The following ERBB4 variants were observed in gnomAD, a reference collection of about 807,000 sequenced individuals.
ERBB4 encodes erb-b2 receptor tyrosine kinase 4, also known as receptor tyrosine-protein kinase erbB-4.
In ERBB4, 42 loss-of-function variants were observed where a neutral mutation model predicts 158.0. The ratio of observed to expected loss-of-function variants is 0.27; its 90% CI spans 0.21 to 0.34. The LOEUF is 0.34. Among genes scored for constraint, ERBB4 ranks in the 10% least tolerant of loss-of-function variants. The pLI, the probability that ERBB4 is intolerant of heterozygous loss-of-function variation, is 1.00. For synonymous variants in ERBB4, 583 were observed against 558.7 expected, an observed-to-expected ratio of 1.04 and a Z score of -0.61; for missense variants, 1,333 against 1,624.1, an observed-to-expected ratio of 0.82 and a Z score of 3.08.
chr2:212,192,295 G>C (rs1196796366), intron 1 of ERBB4, among the ~76,000 whole-genome samples: 2 of 118,220 alleles, frequency 1.7e-5, no homozygotes, highest in Non-Finnish European at 3.4e-5. Flanking sequence ...CTAGTTATGT[G>C]AGGTACTATT....
chr2:212,467,385 G>T (rs1178297659), intron 1 of ERBB4, among the ~76,000 whole-genome samples: 1 of 152,182 alleles, frequency 6.6e-6, no homozygotes, highest in Non-Finnish European at 1.5e-5. Flanking sequence ...GCCAGGCCCA[G>T]AGTCCCTATG....
At chr2:212,418,127 C>T (rs1021828312) in intron 1 of ERBB4, among the ~76,000 whole-genome samples, 1 of 151,940 alleles carries the variant, frequency 6.6e-6, no homozygotes, top group Non-Finnish European at 1.5e-5. Context: ...TGAGAAATAA[C>T]TGTATTGTTA....
intron 1 of ERBB4, among the ~76,000 whole-genome samples, chr2:212,391,659 T>A (rs939597806): frequency 9.5e-6 from 1 of 105,324 alleles, no homozygotes; most frequent in African/African-American, 4.0e-5. Context: ...TATATTATAT[T>A]ATGTATTATA....
chr2:212,212,635 G>C (rs1013412472), intron 1 of ERBB4, among the ~76,000 whole-genome samples: 4 of 151,554 alleles, frequency 2.6e-5, no homozygotes, highest in Non-Finnish European at 5.9e-5. Context: ...AAAGAACAAA[G>C]CTGGAGGCGT....
Position 211,852,636 on chromosome 2 carries a change from C to CTTT in ERBB4, c.422-64480_422-64478dup, listed in dbSNP as rs10640429. Among the ~76,000 whole-genome samples, 86 of 138,828 alleles carry CTTT rather than the reference C, an allele frequency of 6.2e-4. 3 individuals are homozygous for CTTT. The highest frequency in any genetic ancestry group is 6.1e-3 in the South Asian group (27 of 4,434). 91.1% of individuals were successfully genotyped at this position (138,828 alleles called of 152,430 possible). A position where few individuals can be genotyped will look rare whatever the true frequency, so the allele number is the denominator to read the frequency against. On this transcript the variant is annotated intron_variant, in intron 3 of 27. Coordinates refer to ENST00000342788, the MANE Select transcript of ERBB4 (RefSeq NM_005235.3). ...TTACTGTACATGGTACAATGGCCAA[C>CTTT]TTTTTTTTTTTTTTTGCCGTTGCCA...
chr2:211,736,268 A>C (rs1041424027), intron 5 of ERBB4, among the ~76,000 whole-genome samples: 2 of 152,208 alleles, frequency 1.3e-5, no homozygotes, highest in African/African-American at 4.8e-5. Context: ...AACAATTTAC[A>C]GTACAAATAA....
rs139303367 is a variant in ERBB4 at position 212,439,464 on chromosome 2, A to T, written c.82+98985T>A. 3.5e-3 allele frequency among the ~76,000 whole-genome samples: 538 copies of T among 152,250 alleles called. 5 individuals carry two copies. The highest frequency in any genetic ancestry group is 0.012 in the African/African-American group (502 of 41,558). ...ATCTAGAAGACATCCATTGGTTATG[A>T]ATTAATGGATTCTAGGATATACCTT... On this transcript the variant is annotated intron_variant, in intron 1 of 27. Transcript: ENST00000342788.
chr2:211,482,093 T>A (rs1442204636), intron 20 of ERBB4, among the ~76,000 whole-genome samples: 1 of 152,096 alleles, frequency 6.6e-6, no homozygotes, highest in African/African-American at 2.4e-5. Flanking sequence ...GCAAAGCAAG[T>A]GGAGTTCACA....
chr2:211,973,251 G>C (rs995352242), intron 2 of ERBB4, among the ~76,000 whole-genome samples: 29 of 151,070 alleles, frequency 1.9e-4, no homozygotes, highest in African/African-American at 7.1e-4. Flanking sequence ...ACCCAGGCTG[G>C]AGTGCAGTGG....
chr2:211,516,237 C>A (rs1377304499), intron 20 of ERBB4, among the ~76,000 whole-genome samples: 1 of 151,656 alleles, frequency 6.6e-6, no homozygotes, highest in African/African-American at 2.4e-5. Flanking sequence ...ATTTTCACCA[C>A]CACACAGCCA....
At chr2:212,222,202 G>T (rs2083311119) in intron 1 of ERBB4, among the ~76,000 whole-genome samples, 1 of 151,400 alleles carries the variant, frequency 6.6e-6, no homozygotes, top group Admixed American at 6.6e-5. Context: ...ACTTTCTGTT[G>T]CTATTAACAT....
intron 1 of ERBB4, among the ~76,000 whole-genome samples, chr2:212,490,683 T>TA (rs1314004504): frequency 1.3e-5 from 2 of 151,814 alleles, no homozygotes; most frequent in African/African-American, 4.8e-5. Context: ...TTGTCAAACA[T>TA]AAAAAGTATC....
intron 20 of ERBB4, among the ~76,000 whole-genome samples, chr2:211,550,535 A>G (rs944953286): frequency 1.4e-5 from 2 of 147,704 alleles, no homozygotes; most frequent in African/African-American, 5.0e-5. Context: ...TTATTTTGGG[A>G]CTCATCAGCC....
chr2:212,041,790 T>C (rs575537159), intron 2 of ERBB4, among the ~76,000 whole-genome samples: 29 of 152,222 alleles, frequency 1.9e-4, no homozygotes, highest in Non-Finnish European at 2.1e-4. Context: ...TTTCACTCTT[T>C]GTTCCCCATC....
At chr2:212,256,882 G>A (rs1202930568) in intron 1 of ERBB4, among the ~76,000 whole-genome samples, 2 of 152,060 alleles carry the variant, frequency 1.3e-5, no homozygotes, top group Non-Finnish European at 2.9e-5. Context: ...TGATGGAAGG[G>A]GACCTGTTAG....
At chr2:211,956,832 T>C (rs2081048442) in intron 2 of ERBB4, among the ~76,000 whole-genome samples, 1 of 151,992 alleles carries the variant, frequency 6.6e-6, no homozygotes, top group Non-Finnish European at 1.5e-5. Flanking sequence ...AATTTATTCA[T>C]GTATATATTT....
intron 1 of ERBB4, among the ~76,000 whole-genome samples, chr2:212,220,816 G>A (rs1686484942): frequency 1.3e-5 from 2 of 151,252 alleles, no homozygotes; most frequent in Non-Finnish European, 3.0e-5. Context: ...ATGTACCTCT[G>A]TACTTATCCT....
intron 20 of ERBB4, among the ~76,000 whole-genome samples, chr2:211,486,150 C>T (rs916162798): frequency 7.9e-5 from 12 of 152,090 alleles, no homozygotes; most frequent in Non-Finnish European, 2.9e-5. Context: ...AAAATTACAT[C>T]ATCCTTCTTG....
chr2:212,214,047 T>G (rs2103000), intron 1 of ERBB4, among the ~76,000 whole-genome samples: 5 of 151,640 alleles, frequency 3.3e-5, no homozygotes, highest in African/African-American at 1.2e-4. Flanking sequence ...GAACACCTCA[T>G]GCTGACCTTT....
Sources: gnomAD v4.1 joint callset for allele counts (sites outside exome capture counted in the v4.1 genomes callset) on GRCh38, gnomAD v4.1.1 for gene constraint, MANE v1.5 for transcripts, NCBI Gene and HGNC (gene_info 2026-07-23, HGNC 2026-07-21) for gene names.